Variants in ABCA13 observed in about 807,000 individuals in gnomAD.
The protein encoded by ABCA13 is ATP-binding cassette sub-family A member 13.
ABCA13 carries 476 observed loss-of-function variants against 478.7 expected under a neutral mutation model. The observed-to-expected ratio is 0.99, with a 90% CI of 0.92 to 1.07. The LOEUF (loss-of-function observed/expected upper bound fraction) is 1.07. ABCA13 is among the 50% of genes least tolerant of loss of function. ABCA13 has a pLI of 0.00. For synonymous variants in ABCA13, 2,252 were observed against 2,158.9 expected (o/e 1.04, Z -1.20); for missense variants, 6,060 against 5,910.6 (o/e 1.03, Z -0.83).
intron 47 of ABCA13, among the ~76,000 whole-genome samples, chr7:48,488,541 A>T (rs926450360): frequency 1.3e-5 from 2 of 152,208 alleles, no homozygotes; most frequent in East Asian, 3.8e-4. Context: ...TAGAGAAATG[A>T]GCTGTTCAGT....
At chr7:48,386,585 C>A (rs1440813700) in intron 35 of ABCA13, among the ~76,000 whole-genome samples, 1 of 152,080 alleles carries the variant, frequency 6.6e-6, no homozygotes, top group Admixed American at 6.6e-5. Context: ...TAAGAATGCA[C>A]ACCTACAACT....
chr7:48,260,406 T>C (rs1043730558), intron 15 of ABCA13, among the ~76,000 whole-genome samples: 2 of 152,110 alleles, frequency 1.3e-5, no homozygotes, highest in Non-Finnish European at 2.9e-5. Context: ...GTGGCTAAAC[T>C]AATTTACGTT....
intron 8 of ABCA13, among the ~76,000 whole-genome samples, chr7:48,238,940 G>A (rs1317361379): frequency 6.6e-6 from 1 of 152,202 alleles, no homozygotes; most frequent in East Asian, 1.9e-4. Context: ...ATTAAACTGG[G>A]CTGACCCATG....
At chr7:48,179,025 AAC>A in intron 1 of ABCA13, among the ~76,000 whole-genome samples, 1 of 149,478 alleles carries the variant, frequency 6.7e-6, no homozygotes, top group East Asian at 2.0e-4. Context: ...TAATAATAAA[AAC>A]AAAGACTTAC....
At chr7:48,239,531 G>A in intron 9 of ABCA13, 126 bp downstream of exon 9, 4 of 1,135,508 alleles carry the variant, frequency 3.5e-6, no homozygotes, top group East Asian at 2.6e-5. Flanking sequence ...AGGGCCTTAG[G>A]AGCCCCACAT....
chr7:48,275,691 AT>A lies in ABCA13; in HGVS notation c.6028del (p.Ser2010LeufsTer6). 6.3e-7 allele frequency: 1 copy of A among 1,599,106 alleles called. No homozygotes were observed. The highest frequency in any genetic ancestry group is 8.5e-7 in the Non-Finnish European group (1 of 1,171,956). On this transcript the variant is annotated frameshift_variant, in exon 17 of 62. Coordinates refer to ENST00000435803, the MANE Select transcript of ABCA13 (RefSeq NM_152701.5). LOFTEE classifies it high-confidence loss of function. ...SSNLERTVQLISEDWSLEKST... is the reference protein window; with the variant it reads ...SSNLERTVQLXSEDWSLEKST... ...AAATTTGGAAAGGACAGTACAATTG[AT>A]TTCTGAAGACTGGAGCCTAGAAAAA...
chr7:48,488,983 G>C (rs943520151), intron 47 of ABCA13, among the ~76,000 whole-genome samples: 5 of 152,074 alleles, frequency 3.3e-5, no homozygotes, highest in African/African-American at 1.2e-4. Flanking sequence ...AATAATTATA[G>C]AGCAACATTC....
chr7:48,182,438 G>A (rs937702092), intron 1 of ABCA13, among the ~76,000 whole-genome samples: 5 of 152,070 alleles, frequency 3.3e-5, no homozygotes, highest in Admixed American at 6.6e-5. Context: ...TTCCTGAAGG[G>A]TTGTACCAAT....
chr7:48,606,912 C>A (rs1046314041), intron 58 of ABCA13, among the ~76,000 whole-genome samples: 5 of 152,158 alleles, frequency 3.3e-5, no homozygotes, highest in African/African-American at 1.2e-4. Flanking sequence ...GATGCCCTGC[C>A]GAGAGAGGAG....
intron 58 of ABCA13, among the ~76,000 whole-genome samples, chr7:48,608,525 C>T (rs936459073): frequency 8.5e-5 from 13 of 152,222 alleles, no homozygotes; most frequent in African/African-American, 3.1e-4. Flanking sequence ...CTAGTAGAGG[C>T]CAGATACTGG....
intron 55 of ABCA13, among the ~76,000 whole-genome samples, chr7:48,566,082 CT>C (rs1217003436): frequency 6.6e-6 from 1 of 152,128 alleles, no homozygotes; most frequent in East Asian, 1.9e-4. Flanking sequence ...TTGAGCTGTT[CT>C]TTCTTGACTC....
At chr7:48,493,744 A>G (rs1277888138) in intron 48 of ABCA13, among the ~76,000 whole-genome samples, 1 of 152,224 alleles carries the variant, frequency 6.6e-6, no homozygotes, top group Non-Finnish European at 1.5e-5. Context: ...GAATCACTTA[A>G]GCATTTAAAA....
chr7:48,628,939 A>G (rs1324071577), intron 59 of ABCA13, among the ~76,000 whole-genome samples: 1 of 152,220 alleles, frequency 6.6e-6, no homozygotes, highest in Non-Finnish European at 1.5e-5. Context: ...CTTAATGAAC[A>G]ACAACCACTA....
chr7:48,273,856 G>C lies in ABCA13; in HGVS notation c.4190G>C (p.Trp1397Ser), dbSNP rs575788628. Reference protein sequence around the residue: ...TISSLKGCIVWLDVINHLYLL... With the variant: ...TISSLKGCIVSLDVINHLYLL... ...AGCAGTCTGAAAGGATGCATTGTAT[G>C]GTTAGATGTCATAAACCATTTGTAT... The change falls in exon 17 of 62, where the codon TGG becomes TCG. Residue 1397 changes from tryptophan (W) to serine (S), a missense_variant. Physicochemically the swap from Trp to Ser is radical, Grantham distance 177. This residue lies in a region of ABCA13 where 4,423 missense variants were observed against 4,309.1 expected (regional missense o/e 1.03). Transcript: ENST00000435803. 5.0e-6 allele frequency: 8 copies of C among 1,612,356 alleles called. No individual in the cohort carries two copies. In the East Asian group the frequency reaches 1.6e-4, roughly 32 times the overall value.
At chr7:48,181,154 GTGCT>G (rs965857455) in intron 1 of ABCA13, among the ~76,000 whole-genome samples, 3 of 152,178 alleles carry the variant, frequency 2.0e-5, no homozygotes, top group African/African-American at 7.2e-5. Flanking sequence ...AGTGTGGTCT[GTGCT>G]TGCAAACTGA....
intron 48 of ABCA13, among the ~76,000 whole-genome samples, chr7:48,503,843 A>C (rs531621340): frequency 6.6e-6 from 1 of 152,210 alleles, no homozygotes; most frequent in African/African-American, 2.4e-5. Flanking sequence ...CATATGGTAG[A>C]TCTATTTTTA....
At chr7:48,315,492 T>C (rs1802441391) in intron 26 of ABCA13, among the ~76,000 whole-genome samples, 1 of 152,082 alleles carries the variant, frequency 6.6e-6, no homozygotes, top group African/African-American at 2.4e-5. Context: ...TCTTTTTTTT[T>C]TTTTTGAGAC....
chr7:48,578,152 G>A (rs1411088221), intron 55 of ABCA13, among the ~76,000 whole-genome samples: 1 of 152,258 alleles, frequency 6.6e-6, no homozygotes, highest in East Asian at 1.9e-4. Flanking sequence ...TTTCTCCTAA[G>A]TTTGGGAACA....
intron 3 of ABCA13, among the ~76,000 whole-genome samples, chr7:48,218,994 C>G (rs1786911996): frequency 6.6e-6 from 1 of 152,190 alleles, no homozygotes; most frequent in African/African-American, 2.4e-5. Flanking sequence ...TCCTCATGCA[C>G]AGATCATATC....
Sources: gnomAD v4.1 joint callset for allele counts (sites outside exome capture counted in the v4.1 genomes callset) on GRCh38, gnomAD v4.1.1 for gene constraint, gnomAD v4.1.1 regional missense constraint, MANE v1.5 for transcripts, NCBI Gene and HGNC (gene_info 2026-07-23, HGNC 2026-07-21) for gene names.